Variants in WNT2 observed in about 807,000 individuals in gnomAD.
WNT2 encodes the protein protein Wnt-2.
WNT2 carries 12 observed loss-of-function variants against 36.9 expected under a neutral mutation model. The observed-to-expected ratio is 0.33, with a 90% confidence interval of 0.21 to 0.53. The LOEUF (loss-of-function observed/expected upper bound fraction) is 0.53, where lower values mean the gene tolerates loss of function less well. Among genes scored for constraint, WNT2 ranks in the 20% least tolerant of loss-of-function variants. WNT2 has a pLI of 0.95. For missense variants in WNT2, 379 were observed against 473.1 expected (o/e 0.80, Z 1.84); for synonymous variants, 163 against 174.6 (o/e 0.93, Z 0.52).
At chr7:117,321,555 A>G (rs1457040543) in intron 1 of WNT2, among the ~76,000 whole-genome samples, 2 of 152,244 alleles carry the variant, frequency 1.3e-5, no homozygotes, top group Non-Finnish European at 2.9e-5. Flanking sequence ...TGAAATGTTT[A>G]GAAAGGTACC....
intron 4 of WNT2, among the ~76,000 whole-genome samples, chr7:117,286,207 G>A (rs1188751940): frequency 6.6e-6 from 1 of 152,152 alleles, no homozygotes; most frequent in African/African-American, 2.4e-5. Context: ...AATGCCGAGG[G>A]AACTTGATGG....
rs758556824 is a variant in WNT2, at chr7:117,320,800, G to A, written c.84-7C>T. The A allele has an allele frequency of 1.0e-5, 16 of 1,603,990 alleles. No individual in the cohort carries two copies. Among genetic ancestry groups the A allele is most frequent in the Non-Finnish European group, 1.4e-5 (16 of 1,177,006 alleles). ...ACCTGTAGCTCTCATGTACCTATAA[G>A]GGACCAACCAACACAGAGGTGAGGG... On this transcript the variant is annotated splice_region_variant and splice_polypyrimidine_tract_variant and intron_variant, in intron 1 of 4. Transcript: ENST00000265441.
Position 117,275,627 on chromosome 7 carries a change from AT to A in WNT2, c.*2527del, listed in dbSNP as rs1794345220. 1.3e-5 allele frequency among the ~76,000 whole-genome samples: 2 copies of A among 152,228 alleles called. No homozygotes were observed. The highest frequency in any genetic ancestry group is 4.1e-4 in the South Asian group (2 of 4,832). On this transcript the variant is annotated 3_prime_UTR_variant, in exon 5 of 5. Coordinates refer to ENST00000265441, the MANE Select transcript of WNT2 (RefSeq NM_003391.3). ...ATATTCCCCTTAAAAGCCTCAGATAATTGAGAGTTTCAGTGTATTTCAGGTT... is the reference window on the plus strand; with the variant it reads ...ATATTCCCCTTAAAAGCCTCAGATAATGAGAGTTTCAGTGTATTTCAGGTT...
At chr7:117,278,993 T>C (rs1794432406) in intron 4 of WNT2, among the ~76,000 whole-genome samples, 1 of 152,216 alleles carries the variant, frequency 6.6e-6, no homozygotes, top group Admixed American at 6.5e-5. Context: ...TCATATTAAC[T>C]GTCTCTCCTG....
At chr7:117,288,023 CTT>C (rs1794617921) in intron 4 of WNT2, among the ~76,000 whole-genome samples, 2 of 152,064 alleles carry the variant, frequency 1.3e-5, no homozygotes, top group Non-Finnish European at 2.9e-5. Context: ...ATCAGCTTTC[CTT>C]TTGCCTGATG....
chr7:117,319,771 G>A lies in WNT2; in HGVS notation c.310+796C>T, dbSNP rs180919041. On this transcript the variant is annotated intron_variant, in intron 2 of 4. Coordinates refer to ENST00000265441, the MANE Select transcript of WNT2 (RefSeq NM_003391.3). ...TCAGAACTTTTAAGAAGTTTACTAC[G>A]TAATTAGAAAATGTTTAAGGTTCCT... 1.6e-4 allele frequency among the ~76,000 whole-genome samples: 24 copies of A among 152,256 alleles called. No individual in the cohort carries two copies. The East Asian group carries it at 3.7e-3, about 23-fold the overall frequency.
At chr7:117,321,798 T>C (rs1287741482) in intron 1 of WNT2, among the ~76,000 whole-genome samples, 1 of 152,356 alleles carries the variant, frequency 6.6e-6, no homozygotes, top group East Asian at 1.9e-4. Context: ...ATGGTCAGTC[T>C]GATAAATCAA....
At chr7:117,303,145 T>C (rs1794939468) in intron 3 of WNT2, among the ~76,000 whole-genome samples, 1 of 152,148 alleles carries the variant, frequency 6.6e-6, no homozygotes, top group South Asian at 2.1e-4. Context: ...CCTCAGTTGA[T>C]TGATTCTAAT....
At chr7:117,293,063 G>A (rs1005375957) in intron 4 of WNT2, among the ~76,000 whole-genome samples, 1 of 151,794 alleles carries the variant, frequency 6.6e-6, no homozygotes, top group South Asian at 2.1e-4. Context: ...CGGAGCCTGC[G>A]GTAAGCCACG....
At chr7:117,320,823 G>A in intron 1 of WNT2, 30 bp from the exon 2 acceptor site, 1 of 1,574,046 alleles carries the variant, frequency 6.4e-7, no homozygotes, top group Non-Finnish European at 8.6e-7. Flanking sequence ...ACAGAGGTGA[G>A]GGCAACGTGA....
Position 117,322,769 on chromosome 7 carries a change from G to A in WNT2, c.83+138C>T. 1.3e-6 allele frequency: 1 copy of A among 791,118 alleles called. No individual in the cohort carries two copies. The highest frequency in any genetic ancestry group is 1.5e-5 in the South Asian group (1 of 67,656). The allele number at this position is 791,118 out of a possible 1,614,324, so 49.0% of individuals were successfully genotyped here. A position where few individuals can be genotyped will look rare whatever the true frequency, so the allele number is the denominator to read the frequency against. ...GAAGGGGCTCACCATGGGGCGATAA[G>A]AGGGCAGTAGCCAGGGTTCGGGCCA... is the stretch of plus-strand genomic sequence containing the variant. On this transcript the variant is annotated intron_variant, in intron 1 of 4. Transcript: ENST00000265441. This position sits in a 1 kb window ranked among gnomAD's most constrained non-coding sequence, Gnocchi z 5.4.
Position 117,282,888 on chromosome 7 carries a change from T to G in WNT2, c.854-4504A>C, listed in dbSNP as rs549430177. 8.3e-4 allele frequency among the ~76,000 whole-genome samples: 127 copies of G among 152,112 alleles called. 1 individual carries two copies. Among genetic ancestry groups the G allele is most frequent in the African/African-American group, 2.9e-3 (119 of 41,490 alleles). The stretch of plus-strand genomic sequence containing the variant: ...GTGGCCTGGATTAAGACAGTGGTAG[T>G]GGGAACTGGAGCGGTTACTAGAGTC... On this transcript the variant is annotated intron_variant, in intron 4 of 4. Coordinates refer to ENST00000265441, the MANE Select transcript of WNT2 (RefSeq NM_003391.3).
At position 117,314,494 on chromosome 7, in the gene WNT2, A is replaced by C. The variant is rs146632971; in HGVS notation, c.588+577T>G. ...GGAAGTTAGTCAGGTCTAGAGGAGA[A>C]GGGGCCAGAATACCCTCTGAGGATC... On this transcript the variant is annotated intron_variant, in intron 3 of 4. Transcript: ENST00000265441. Among the ~76,000 whole-genome samples, 6 of 152,300 alleles carry C rather than the reference A, an allele frequency of 3.9e-5. No individual in the cohort carries two copies. The East Asian group carries it at 7.7e-4, about 20-fold the overall frequency.
At chr7:117,279,694 C>G (rs1023218076) in intron 4 of WNT2, among the ~76,000 whole-genome samples, 9 of 152,162 alleles carry the variant, frequency 5.9e-5, no homozygotes, top group Non-Finnish European at 1.2e-4. Context: ...CGTTTGAGTT[C>G]CTAGAGACTC....
chr7:117,289,794 A>G (rs1308305894), intron 4 of WNT2, among the ~76,000 whole-genome samples: 1 of 152,114 alleles, frequency 6.6e-6, no homozygotes, highest in East Asian at 1.9e-4. Context: ...CGCTATACAC[A>G]CTGTGGCACA....
At chr7:117,320,206 G>C (rs1216108086) in intron 2 of WNT2, among the ~76,000 whole-genome samples, 1 of 152,192 alleles carries the variant, frequency 6.6e-6, no homozygotes, top group African/African-American at 2.4e-5. Context: ...AATTCTTCTG[G>C]AGGAAGCCCC....
intron 4 of WNT2, among the ~76,000 whole-genome samples, chr7:117,281,716 AGAACAAATACATGATTGGCT>A (rs1794493079): frequency 6.6e-6 from 1 of 152,146 alleles, no homozygotes; most frequent in Non-Finnish European, 1.5e-5. Context: ...AGAAACAAGC[AGAACAAATACATGATTGGCT>A]GAAGAGGGTG....
intron 4 of WNT2, among the ~76,000 whole-genome samples, chr7:117,287,983 G>A (rs1010940741): frequency 1.3e-5 from 2 of 151,808 alleles, no homozygotes; most frequent in African/African-American, 2.4e-5. Context: ...GCAAGACTCC[G>A]TCTCAGGGAA....
In WNT2 at chr7:117,297,616, C is replaced by T. The variant is rs768992901; in HGVS notation, c.849G>A (p.Glu283=). 18 of 1,604,154 alleles carry T rather than the reference C, an allele frequency of 1.1e-5. 1 individual carries two copies. In the Middle Eastern group the frequency reaches 6.6e-4, roughly 59 times the overall value. Residue 283 remains glutamate, a synonymous_variant, in exon 4 of 5, where the codon GAG becomes GAA. Coordinates refer to ENST00000265441, the MANE Select transcript of WNT2 (RefSeq NM_003391.3). ...AAGAAAGTCTTTTGAACTTACCTGC[C>T]TCTCGGTCCCTGATACAGTAGTCTG... ...NSPDYCIRDR[E]AGSLGTAGRV...
Sources: allele counts gnomAD v4.1 joint callset (sites outside exome capture counted in the v4.1 genomes callset), GRCh38; gene constraint gnomAD v4.1.1; non-coding constraint Gnocchi (gnomAD v3.1); transcripts MANE v1.5; gene names NCBI Gene and HGNC (gene_info 2026-07-23, HGNC 2026-07-21).